The following BMP7 variants were observed in gnomAD, a reference collection of about 807,000 sequenced individuals.
BMP7 encodes the protein osteogenic protein 1.
A neutral mutation model predicts 41.2 loss-of-function variants in BMP7; 12 were observed. That is an observed-to-expected ratio of 0.29 (90% CI 0.19 to 0.47). The LOEUF (loss-of-function observed/expected upper bound fraction) is 0.47. Ranked by LOEUF, BMP7 falls within the 20% of genes least tolerant of loss-of-function variation. BMP7 has a pLI of 0.99. For missense variants in BMP7, 467 were observed against 606.0 expected (o/e 0.77, Z 2.41); for synonymous variants, 248 against 250.0 (o/e 0.99, Z 0.07).
At chr20:57,263,449 C>T (rs1356852739) in intron 1 of BMP7, among the ~76,000 whole-genome samples, 4 of 152,250 alleles carry the variant, frequency 2.6e-5, no homozygotes, top group Non-Finnish European at 5.9e-5. Context: ...AGGCACCCTC[C>T]GAGCAACCTG....
At chr20:57,184,028 C>T in intron 3 of BMP7, 109 bp from the exon 4 acceptor site, 1 of 1,252,932 alleles carries the variant, frequency 8.0e-7, no homozygotes, top group Admixed American at 2.0e-5. Context: ...ACTCCTTATT[C>T]CTCCATCCAG....
intron 3 of BMP7, among the ~76,000 whole-genome samples, chr20:57,193,122 T>A (rs1183169306): frequency 1.5e-4 from 23 of 152,180 alleles, no homozygotes; most frequent in Admixed American, 1.5e-3. Context: ...GTTTTTAAGT[T>A]ACCATACAGT....
intron 4 of BMP7, among the ~76,000 whole-genome samples, chr20:57,175,413 C>A (rs1428625476): frequency 1.3e-5 from 2 of 152,214 alleles, no homozygotes; most frequent in African/African-American, 4.8e-5. Flanking sequence ...TTATGAACAA[C>A]CTCAACTCGT....
rs1394200826 is a variant in BMP7 at position 57,192,233 on chromosome 20, TA to T, written c.761-8315del. Among the ~76,000 whole-genome samples, 8 of 126,980 alleles carry T rather than the reference TA, an allele frequency of 6.3e-5. No homozygotes were observed. In the South Asian group the frequency reaches 9.2e-4, roughly 15 times the overall value. 83.3% of individuals were successfully genotyped at this position (126,980 alleles called of 152,430 possible). A position where few individuals can be genotyped will look rare whatever the true frequency, so the allele number is the denominator to read the frequency against. Reference sequence around the variant, plus strand: ...ACATATTATATACTATTATATTATATAATAGTATATAGCATATATACTATAG... The same window carrying T: ...ACATATTATATACTATTATATTATATATAGTATATAGCATATATACTATAG... On this transcript the variant is annotated intron_variant, in intron 3 of 6. Coordinates refer to ENST00000395863, the MANE Select transcript of BMP7 (RefSeq NM_001719.3).
intron 1 of BMP7, among the ~76,000 whole-genome samples, chr20:57,242,317 T>G (rs1327921957): frequency 6.6e-6 from 1 of 152,174 alleles, no homozygotes; most frequent in Non-Finnish European, 1.5e-5. Context: ...CAAATGTGAC[T>G]AGTGCTGAGT....
chr20:57,221,478 A>G (rs960241954), intron 2 of BMP7, among the ~76,000 whole-genome samples: 8 of 152,184 alleles, frequency 5.3e-5, no homozygotes, highest in Non-Finnish European at 7.3e-5. Context: ...CTCATCCTTA[A>G]TCCCCAACCC....
At chr20:57,232,831 A>T (rs990564434) in intron 1 of BMP7, among the ~76,000 whole-genome samples, 1 of 149,556 alleles carries the variant, frequency 6.7e-6, no homozygotes, top group African/African-American at 2.5e-5. Context: ...ATCCATTATC[A>T]AAGAAAGAAC....
At position 57,266,032 on chromosome 20, in the gene BMP7, A is replaced by G. The variant is rs1454540999; in HGVS notation, c.91T>C (p.Phe31Leu). 1.3e-6 allele frequency: 2 copies of G among 1,546,862 alleles called. No homozygotes were observed. The highest frequency in any genetic ancestry group is 2.0e-5 in the Admixed American group (1 of 51,002). ...LFLLRSALAD[F>L]SLDNEVHSSF... is the part of the protein sequence containing the mutation. ...GAGTGCACCTCGTTGTCCAGGCTGA[A>G]GTCGGCCAGGGCGGAGCGCAGCAGG... Residue 31 changes from phenylalanine (F) to leucine (L), a missense_variant, in exon 1 of 7, where the codon TTC (phenylalanine) becomes CTC (leucine). By Grantham distance (22) the Phe-to-Leu change is conservative. Coordinates refer to ENST00000395863, the MANE Select transcript of BMP7 (RefSeq NM_001719.3).
intron 1 of BMP7, among the ~76,000 whole-genome samples, chr20:57,247,444 T>A (rs1402055236): frequency 6.6e-6 from 1 of 151,902 alleles, no homozygotes; most frequent in Non-Finnish European, 1.5e-5. Flanking sequence ...GAACAGAGAG[T>A]TCCGTTTGCT....
Position 57,266,286 on chromosome 20 carries a change from C to G in BMP7, c.-164G>C, listed in dbSNP as rs2066178519. On this transcript the variant is annotated 5_prime_UTR_variant, in exon 1 of 7. Coordinates refer to ENST00000395863, the MANE Select transcript of BMP7 (RefSeq NM_001719.3). ...CCTCCCCGGCCGGCCGCGCTCTGCC[C>G]GGACCCCCGCCCCCTGCTCGGTGCT... is the stretch of plus-strand genomic sequence containing the variant. 1 of 546,682 alleles carries G rather than the reference C, an allele frequency of 1.8e-6. No homozygotes were observed. The highest frequency in any genetic ancestry group is 2.7e-6 in the Non-Finnish European group (1 of 368,574). The allele number at this position is 546,682 out of a possible 1,614,324, so 33.9% of individuals were successfully genotyped here.
chr20:57,197,203 AT>A (rs879738123), intron 3 of BMP7, among the ~76,000 whole-genome samples: 1,459 of 144,742 alleles, frequency 0.01, 13 homozygotes, highest in East Asian at 0.041. Context: ...CCCGGCCCTA[AT>A]TTTTTTTTTT....
At position 57,170,842 on chromosome 20, in the gene BMP7, T is replaced by C; in HGVS notation, c.*117A>G. On this transcript the variant is annotated 3_prime_UTR_variant, in exon 7 of 7. Transcript: ENST00000395863. ...CCTAATACTCTCACACCTTTAAAGT[T>C]GGGGATAGGGAGGGGAAGGTCTCAC... The C allele has an allele frequency of 7.6e-7, 1 of 1,314,970 alleles. No homozygotes were observed. The highest frequency in any genetic ancestry group is 1.1e-6 in the Non-Finnish European group (1 of 940,786). 81.5% of individuals were successfully genotyped at this position (1,314,970 alleles called of 1,614,324 possible). A position where few individuals can be genotyped will look rare whatever the true frequency, so the allele number is the denominator to read the frequency against.
At chr20:57,201,035 C>T (rs1366609987) in intron 3 of BMP7, among the ~76,000 whole-genome samples, 2 of 152,276 alleles carry the variant, frequency 1.3e-5, no homozygotes, top group Middle Eastern at 3.4e-3. Context: ...CTGTTCTAAG[C>T]CTCATTACTC....
At chr20:57,219,602 C>G (rs569595324) in intron 2 of BMP7, among the ~76,000 whole-genome samples, 5 of 152,244 alleles carry the variant, frequency 3.3e-5, no homozygotes, top group Non-Finnish European at 5.9e-5. Flanking sequence ...AATGAGCCAC[C>G]CCCAAAGGTC....
At chr20:57,241,630 C>G (rs2066070145) in intron 1 of BMP7, among the ~76,000 whole-genome samples, 1 of 152,210 alleles carries the variant, frequency 6.6e-6, no homozygotes, top group African/African-American at 2.4e-5. Flanking sequence ...GACACTGCCT[C>G]CTTGTTAGGT....
chr20:57,238,325 T>C (rs1360772799), intron 1 of BMP7, among the ~76,000 whole-genome samples: 1 of 152,254 alleles, frequency 6.6e-6, no homozygotes, highest in Non-Finnish European at 1.5e-5. Flanking sequence ...TATTCCACTG[T>C]ATGGATGGGC....
intron 1 of BMP7, among the ~76,000 whole-genome samples, chr20:57,229,737 A>G (rs193253177): frequency 6.6e-6 from 1 of 152,326 alleles, no homozygotes; most frequent in East Asian, 1.9e-4. Flanking sequence ...TGGTCAGAAG[A>G]AAGGAGAAAT....
At position 57,259,971 on chromosome 20, in the gene BMP7, C is replaced by G. The variant is rs1411839851; in HGVS notation, c.418+5734G>C. ...GCCATTTGCTGCAAAACCCGGAATT[C>G]AATCCCAGCTTGAACACACAGCTAA... On this transcript the variant is annotated intron_variant, in intron 1 of 6. Coordinates refer to ENST00000395863, the MANE Select transcript of BMP7 (RefSeq NM_001719.3). The surrounding 1 kb of genome is among the most constrained non-coding windows in gnomAD (Gnocchi z 4.7). Among the ~76,000 whole-genome samples, 1 of 152,152 alleles carries G rather than the reference C, an allele frequency of 6.6e-6. No individual in the cohort carries two copies. Among genetic ancestry groups the G allele is most frequent in the Non-Finnish European group, 1.5e-5 (1 of 68,048 alleles).
At chr20:57,172,689 G>A (rs78124928) in intron 6 of BMP7, among the ~76,000 whole-genome samples, 1,965 of 152,318 alleles carry the variant, frequency 0.013, 47 homozygotes, top group African/African-American at 0.045. Context: ...GTGTCGCCAC[G>A]TGCTGGGCAC....
Sources: gnomAD v4.1 joint callset for allele counts (sites outside exome capture counted in the v4.1 genomes callset) on GRCh38, gnomAD v4.1.1 for gene constraint, Gnocchi (gnomAD v3.1) non-coding constraint, MANE v1.5 for transcripts, NCBI Gene and HGNC (gene_info 2026-07-23, HGNC 2026-07-21) for gene names.